MATR3: variants seen among roughly 807,000 people sequenced by gnomAD.
MATR3 encodes matrin-3.
In MATR3, 4 loss-of-function variants were observed where a neutral mutation model predicts 85.5. The ratio of observed to expected loss-of-function variants is 0.05; its 90% CI spans 0.02 to 0.11. The LOEUF (loss-of-function observed/expected upper bound fraction) is 0.11. Among genes scored for constraint, MATR3 ranks in the 10% least tolerant of loss-of-function variants. MATR3 has a pLI of 1.00. For synonymous variants in MATR3, 336 were observed against 343.1 expected (o/e 0.98, Z 0.23); for missense variants, 685 against 1,016.1 (o/e 0.67, Z 4.43).
In MATR3 at chr5:139,307,202, A is replaced by G. The variant is rs1754755721; in HGVS notation, c.-177-37A>G. On this transcript the variant is annotated intron_variant, in intron 1 of 14. Coordinates refer to ENST00000394805, the MANE Select transcript of MATR3 (RefSeq NM_018834.6). The surrounding 1 kb of genome is among the most constrained non-coding windows in gnomAD (Gnocchi z 4.4). ...TTCTTAAAAAAACGGCATCTGCTTA[A>G]AGGGATTTATGACTAAAATTGCTTA... 1 of 1,266,764 alleles carries G rather than the reference A, an allele frequency of 7.9e-7. No homozygotes were observed. Among genetic ancestry groups the G allele is most frequent in the African/African-American group, 1.5e-5 (1 of 64,832 alleles). The allele number at this position is 1,266,764 out of a possible 1,614,324, so 78.5% of individuals were successfully genotyped here.
At chr5:139,320,257 C>A (rs748681391) in intron 9 of MATR3, among the ~76,000 whole-genome samples, 1 of 151,708 alleles carries the variant, frequency 6.6e-6, no homozygotes. Flanking sequence ...TGCAATGACT[C>A]GAGATTGTGC....
intron 7 of MATR3, among the ~76,000 whole-genome samples, chr5:139,318,018 G>C (rs1755341310): frequency 6.6e-6 from 1 of 152,170 alleles, no homozygotes; most frequent in African/African-American, 2.4e-5. Flanking sequence ...ATGGTTTCAA[G>C]TCATTATTTT....
chr5:139,322,635 A>G lies in MATR3; in HGVS notation c.1816A>G (p.Ser606Gly). ...CTCTCCAGATGGCAAAGAATCTCCA[A>G]GTGATAAGAAATCCAAAACTGATGG... ...SYSPDGKESP[S>G]DKKSKTDGSQ... The change falls in exon 12 of 15, where the codon AGT becomes GGT. Residue 606 changes from serine (S) to glycine (G), a missense_variant. Ser to Gly is a moderately conservative substitution (Grantham distance 56). Coordinates refer to ENST00000394805, the MANE Select transcript of MATR3 (RefSeq NM_018834.6). 1 of 1,614,230 alleles carries G rather than the reference A, an allele frequency of 6.2e-7. No homozygotes were observed. The highest frequency in any genetic ancestry group is 8.5e-7 in the Non-Finnish European group (1 of 1,180,034).
Position 139,331,629 on chromosome 5 carries a change from A to G in MATR3, c.*2234A>G, listed in dbSNP as rs1743334995. On this transcript the variant is annotated 3_prime_UTR_variant, in exon 15 of 15. Transcript: ENST00000394805. ...TACGGCTATGTCAGCCCTTAGTTTA[A>G]TCTTACATTATCCTACAAAAGTGAA... 1 of 453,120 alleles carries G rather than the reference A, an allele frequency of 2.2e-6. No homozygotes were observed. The highest frequency in any genetic ancestry group is 1.6e-5 in the South Asian group (1 of 64,180). 28.1% of individuals were successfully genotyped at this position (453,120 alleles called of 1,614,324 possible).
At chr5:139,326,020 G>A in intron 13 of MATR3, 143 bp from the exon 14 acceptor site, 1 of 738,250 alleles carries the variant, frequency 1.4e-6, no homozygotes, top group Non-Finnish European at 2.2e-6. Flanking sequence ...GCAAAATATG[G>A]TTCGGTTTTT....
intron 2 of MATR3, chr5:139,312,009 TC>T (rs1755008696): frequency 6.6e-6 from 1 of 152,152 alleles, no homozygotes; most frequent in African/African-American, 2.4e-5. Flanking sequence ...CCTCAGGTGA[TC>T]CGCCTGCCCC....
chr5:139,314,317 C>T (rs1755139522), intron 2 of MATR3: 1 of 299,014 alleles, frequency 3.3e-6, no homozygotes, highest in African/African-American at 2.2e-5. Context: ...TATAAAGTAG[C>T]ATACAATGAA....
At chr5:139,283,241 C>A (rs1205363841) in intron 3 of MATR3, 1 of 152,256 alleles carries the variant, frequency 6.6e-6, no homozygotes, top group Non-Finnish European at 1.5e-5. Flanking sequence ...CCCCTCAAGG[C>A]AAAGAGCCTC....
chr5:139,316,162 C>A lies in MATR3; in HGVS notation c.1103C>A (p.Pro368Gln). 1 of 1,613,538 alleles carries A rather than the reference C, an allele frequency of 6.2e-7. No individual in the cohort carries two copies. Among genetic ancestry groups the A allele is most frequent in the East Asian group, 2.2e-5 (1 of 44,874 alleles). Residue 368 changes from proline to glutamine, a missense_variant, in exon 5 of 15, where the codon CCA becomes CAA. Pro to Gln is a moderately conservative substitution (Grantham distance 76). Transcript: ENST00000394805. ...PPPPSFHLGG[P>Q]AVGPRGNLGA... ...CCTCCCTCATTTCATCTTGGGGGAC[C>A]AGCAGTTGGACCAAGAGGAAATCTG...
At position 139,325,219 on chromosome 5, in the gene MATR3, C is replaced by T. The variant is rs951051412; in HGVS notation, c.2149-221C>T. On this transcript the variant is annotated intron_variant, in intron 12 of 14. Transcript: ENST00000394805. ...AAAAAAAAAAGGCAAAGACGCTATC[C>T]GTTTCCCTTCAAGTAAAGCAGACAG... 31 of 1,520,204 alleles carry T rather than the reference C, an allele frequency of 2.0e-5. No homozygotes were observed. In the Middle Eastern group the frequency reaches 5.1e-4, roughly 25 times the overall value. 94.2% of individuals were successfully genotyped at this position (1,520,204 alleles called of 1,614,324 possible).
chr5:139,291,323 T>C (rs1753862731), upstream of MATR3, among the ~76,000 whole-genome samples: 1 of 152,248 alleles, frequency 6.6e-6, no homozygotes, highest in African/African-American at 2.4e-5. Flanking sequence ...TACATATTTA[T>C]TGGTTTAATG....
Position 139,296,183 on chromosome 5 carries a change from A to G in MATR3, c.-178+2378A>G, listed in dbSNP as rs1754139482. On this transcript the variant is annotated intron_variant, in intron 1 of 14. Transcript: ENST00000394805. Reference sequence around the variant, plus strand: ...GTATATAAATTTAATATCAGTTATTAAGAATTTTTTTTAAAATTAAATATT... The same window carrying G: ...GTATATAAATTTAATATCAGTTATTGAGAATTTTTTTTAAAATTAAATATT... Among the ~76,000 whole-genome samples, 3 of 152,348 alleles carry G rather than the reference A, an allele frequency of 2.0e-5. 1 individual carries two copies. The South Asian group carries it at 6.2e-4, about 32-fold the overall frequency.
At chr5:139,296,256 C>A (rs971551882) in intron 1 of MATR3, among the ~76,000 whole-genome samples, 4 of 152,114 alleles carry the variant, frequency 2.6e-5, no homozygotes, top group Non-Finnish European at 5.9e-5. Flanking sequence ...GAAATCTATA[C>A]AGCCACTTAA....
intron 1 of MATR3, among the ~76,000 whole-genome samples, chr5:139,304,646 A>G (rs745470795): frequency 2.6e-5 from 4 of 152,296 alleles, no homozygotes; most frequent in South Asian, 2.1e-4. Flanking sequence ...GGGCATTTAC[A>G]CTAGTATATA....
intron 1 of MATR3, chr5:139,294,025 GGAGGTGAGCGGT>G: frequency 7.8e-7 from 1 of 1,279,934 alleles, no homozygotes. Flanking sequence ...CTAGGGCGGC[GGAGGTGAGCGGT>G]CCGGGAGGGA....
chr5:139,294,357 G>A (rs1237934722), intron 1 of MATR3, among the ~76,000 whole-genome samples: 1 of 152,072 alleles, frequency 6.6e-6, no homozygotes. Flanking sequence ...GGAGGATTTC[G>A]CAGACTCTGA....
At chr5:139,292,464 G>A (rs1753908623), upstream of MATR3, among the ~76,000 whole-genome samples, 1 of 152,194 alleles carries the variant, frequency 6.6e-6, no homozygotes, top group Non-Finnish European at 1.5e-5. Flanking sequence ...TGGTTGGGGA[G>A]AGAGTTGCAG....
chr5:139,276,665 GA>G (rs896720548), intron 2 of MATR3, among the ~76,000 whole-genome samples: 45 of 152,304 alleles, frequency 3.0e-4, no homozygotes, highest in African/African-American at 8.2e-4. Context: ...CTAATGGGAA[GA>G]GGGGGTTGGT....
chr5:139,294,637 T>G (rs1484265012), intron 1 of MATR3: 2 of 152,202 alleles, frequency 1.3e-5, no homozygotes, highest in Non-Finnish European at 2.9e-5. Context: ...TGCACTTGTT[T>G]AGTCAAGTCA....
Sources: allele counts gnomAD v4.1 joint callset (sites outside exome capture counted in the v4.1 genomes callset), GRCh38; gene constraint gnomAD v4.1.1; non-coding constraint Gnocchi (gnomAD v3.1); transcripts MANE v1.5; gene names NCBI Gene and HGNC (gene_info 2026-07-23, HGNC 2026-07-21).